Variants in IL17RD observed in about 807,000 individuals in gnomAD.
IL17RD encodes interleukin-17 receptor D.
A neutral mutation model predicts 80.5 loss-of-function variants in IL17RD; 52 were observed. That is an observed-to-expected ratio of 0.65 (90% CI 0.52 to 0.81). IL17RD has a LOEUF of 0.81. IL17RD is among the 40% of genes least tolerant of loss of function. The probability of loss-of-function intolerance (pLI) is 0.00; values close to 1 mark genes in which losing one functional copy is unlikely to be tolerated. For missense variants in IL17RD, 1,024 were observed against 955.1 expected (o/e 1.07, Z -0.95); for synonymous variants, 416 against 391.8 (o/e 1.06, Z -0.73).
At position 57,097,770 on chromosome 3, in the gene IL17RD, G is replaced by T. The variant is rs911249816; in HGVS notation, c.1933C>A (p.Pro645Thr). 5 of 1,603,180 alleles carry T rather than the reference G, an allele frequency of 3.1e-6. No individual in the cohort carries two copies. In the African/African-American group the frequency reaches 5.3e-5, roughly 17 times the overall value. Residue 645 changes from proline to threonine, a missense_variant, in exon 12 of 13, where the codon CCC becomes ACC. Coordinates refer to ENST00000296318, the MANE Select transcript of IL17RD (RefSeq NM_017563.5). ...CCGGCTTTCACCGTGTGCAGCAGGG[G>T]TTGCAGGGCGGCGCTACCGTCAAGG... Reference protein sequence around the residue: ...PALDGSAALQPLLHTVKAGSP... With the variant: ...PALDGSAALQTLLHTVKAGSP...
chr3:57,127,364 AAATATATAT>A lies in IL17RD; in HGVS notation c.127-7060_127-7052del, dbSNP rs1559477262. 6.6e-3 allele frequency among the ~76,000 whole-genome samples: 514 copies of A among 77,922 alleles called. 40 individuals carry two copies. Among genetic ancestry groups the A allele is most frequent in the African/African-American group, 0.027 (483 of 18,218 alleles). The allele number at this position is 77,922 out of a possible 152,430, so 51.1% of individuals were successfully genotyped here. Reference sequence around the variant, plus strand: ...AATATATATAAATATATATAAATATAAATATATATATATAAATAAATAAATAAATAAATA... The same window carrying A: ...AATATATATAAATATATATAAATATAATATAAATAAATAAATAAATAAATA... On this transcript the variant is annotated intron_variant, in intron 1 of 12. Transcript: ENST00000296318.
intron 11 of IL17RD, among the ~76,000 whole-genome samples, chr3:57,099,430 T>C (rs1706776891): frequency 6.6e-6 from 1 of 152,212 alleles, no homozygotes; most frequent in South Asian, 2.1e-4. Context: ...GAAACATCTC[T>C]TGGTTATTGT....
At chr3:57,100,711 A>G (rs1301360769) in intron 11 of IL17RD, among the ~76,000 whole-genome samples, 1 of 152,102 alleles carries the variant, frequency 6.6e-6, no homozygotes, top group Non-Finnish European at 1.5e-5. Context: ...GATCCCCTCT[A>G]ATGGCAGCCC....
rs780937622 is a variant in IL17RD at position 57,098,480 on chromosome 3, A to G, written c.1223T>C (p.Val408Ala). The change falls in exon 12 of 13, where the codon GTC (valine) becomes GCC (alanine). Residue 408 changes from valine (V) to alanine (A), a missense_variant. Physicochemically the swap from Val to Ala is moderately conservative, Grantham distance 64 (BLOSUM62 0). Transcript: ENST00000296318. ...SLCREGQREW[V>A]IQKIHESQFI... is the part of the protein sequence containing the mutation. ...CTGGGACTCGTGGATCTTCTGGATG[A>G]CCCATTCTCTCTGCCCTTCTCTACA... 1.9e-6 allele frequency: 3 copies of G among 1,613,558 alleles called. No individual in the cohort carries two copies. In the African/African-American group the frequency reaches 4.0e-5, roughly 22 times the overall value.
intron 1 of IL17RD, among the ~76,000 whole-genome samples, chr3:57,140,829 G>A (rs1707814444): frequency 6.6e-6 from 1 of 151,998 alleles, no homozygotes; most frequent in South Asian, 2.1e-4. Flanking sequence ...CTATTACACT[G>A]GTTCAATGCT....
At chr3:57,156,257 CTT>C in intron 1 of IL17RD, among the ~76,000 whole-genome samples, 1 of 152,082 alleles carries the variant, frequency 6.6e-6, no homozygotes, top group South Asian at 2.1e-4. Context: ...AGGTCTGATA[CTT>C]CATTATCCTA....
intron 1 of IL17RD, among the ~76,000 whole-genome samples, chr3:57,133,767 A>G (rs928810915): frequency 6.6e-6 from 1 of 152,196 alleles, no homozygotes; most frequent in Non-Finnish European, 1.5e-5. Context: ...AACAGCAGGT[A>G]GGAGCATATT....
Position 57,093,254 on chromosome 3 carries a change from A to G in IL17RD, c.*3139T>C, listed in dbSNP as rs764199054. 6.6e-5 allele frequency: 10 copies of G among 152,204 alleles called. No homozygotes were observed. The highest frequency in any genetic ancestry group is 1.5e-4 in the Non-Finnish European group (10 of 68,036). 9.4% of individuals were successfully genotyped at this position (152,204 alleles called of 1,614,324 possible). On this transcript the variant is annotated 3_prime_UTR_variant, in exon 13 of 13. Coordinates refer to ENST00000296318, the MANE Select transcript of IL17RD (RefSeq NM_017563.5). ...AATAAGAGCAGTAGTAGTCTTCACC[A>G]ATAGAAAATAAAAAAGACTAGTAAC...
At chr3:57,139,926 A>T (rs529154111) in intron 1 of IL17RD, among the ~76,000 whole-genome samples, 10 of 152,054 alleles carry the variant, frequency 6.6e-5, no homozygotes, top group African/African-American at 2.4e-4. Context: ...TTCAAACTCA[A>T]CTCCTGGTTT....
intron 3 of IL17RD, among the ~76,000 whole-genome samples, chr3:57,112,097 CG>C: frequency 6.6e-6 from 1 of 152,300 alleles, no homozygotes; most frequent in East Asian, 1.9e-4. Flanking sequence ...AGGCAGCAAA[CG>C]TAATTCCTTT....
At chr3:57,164,114 T>G (rs982290270) in intron 1 of IL17RD, among the ~76,000 whole-genome samples, 3 of 152,228 alleles carry the variant, frequency 2.0e-5, no homozygotes. Context: ...ATCCCATTTT[T>G]CATATGAAGA....
intron 1 of IL17RD, among the ~76,000 whole-genome samples, chr3:57,161,812 A>G (rs2060307232): frequency 6.6e-6 from 1 of 152,220 alleles, no homozygotes; most frequent in African/African-American, 2.4e-5. Context: ...ATTCCACTCT[A>G]GAAGCAAGAG....
Position 57,104,369 on chromosome 3 carries a change from A to G in IL17RD, c.786T>C (p.Asn262=). The G allele has an allele frequency of 6.2e-7, 1 of 1,609,968 alleles. No homozygotes were observed. ...CAATTATATAATCCCCTGGAGAAAC[A>G]TTTTGAAGGAGGCAGCTGGTCGTCT... ...TTETTSCLLQ[N]VSPGDYIIEL... Residue 262 remains asparagine (N), a synonymous_variant, in exon 8 of 13, where the codon AAT becomes AAC. Transcript: ENST00000296318.
In IL17RD at chr3:57,106,128, T is replaced by A; in HGVS notation, c.577A>T (p.Asn193Tyr). Residue 193 changes from asparagine to tyrosine, a missense_variant, in exon 6 of 13, where the codon AAT becomes TAT. Coordinates refer to ENST00000296318, the MANE Select transcript of IL17RD (RefSeq NM_017563.5). ...RACDLLLQPD[N>Y]LACKPFWKPR... ...TACTTACAGGGTTTACAAGCTAGAT[T>A]GTCCGGCTGTAACAACAGGTCACAG... The A allele has an allele frequency of 1.9e-6, 3 of 1,612,810 alleles. No individual in the cohort carries two copies. Among genetic ancestry groups the A allele is most frequent in the Non-Finnish European group, 2.5e-6 (3 of 1,179,016 alleles).
rs983197149 is a variant in IL17RD at position 57,097,348 on chromosome 3, T to C, written c.2107+248A>G. ...TAGAAAAGTGATACAGTGCATAGTC[T>C]GTATGTGGCACAACACCCCTTGCAG... On this transcript the variant is annotated intron_variant, in intron 12 of 12. Transcript: ENST00000296318. 17 of 544,264 alleles carry C rather than the reference T, an allele frequency of 3.1e-5. No homozygotes were observed. The Admixed American group carries it at 3.9e-4, about 12-fold the overall frequency. The allele number at this position is 544,264 out of a possible 1,614,324, so 33.7% of individuals were successfully genotyped here.
chr3:57,106,779 G>A (rs1051139608), intron 5 of IL17RD, among the ~76,000 whole-genome samples: 3 of 152,116 alleles, frequency 2.0e-5, no homozygotes, highest in Admixed American at 2.0e-4. Context: ...GTGCCATGCT[G>A]CTTGCTAACC....
At chr3:57,127,208 A>T (rs1449728085) in intron 1 of IL17RD, among the ~76,000 whole-genome samples, 1 of 110,866 alleles carries the variant, frequency 9.0e-6, no homozygotes, top group African/African-American at 5.2e-5. Flanking sequence ...AAATATATAT[A>T]AAAATATATA....
At chr3:57,108,048 C>T (rs1707003071) in intron 5 of IL17RD, among the ~76,000 whole-genome samples, 1 of 151,812 alleles carries the variant, frequency 6.6e-6, no homozygotes, top group Non-Finnish European at 1.5e-5. Flanking sequence ...TCAACTTACA[C>T]TTTTTATTCC....
Position 57,098,299 on chromosome 3 carries a change from C to T in IL17RD, c.1404G>A (p.Ser468=), listed in dbSNP as rs375318784. Residue 468 remains serine (S), a synonymous_variant, in exon 12 of 13, where the codon TCG becomes TCA. Transcript: ENST00000296318. The part of the protein sequence containing the change: ...AEKLRQAKQS[S]SAALSKFIAV... Reference sequence around the variant, plus strand: ...CGATAAACTTGCTGAGCGCCGCGGACGAACTCTGCTTGGCCTGGCGGAGCT... The same window carrying T: ...CGATAAACTTGCTGAGCGCCGCGGATGAACTCTGCTTGGCCTGGCGGAGCT... 7 of 1,613,902 alleles carry T rather than the reference C, an allele frequency of 4.3e-6. No homozygotes were observed. The highest frequency in any genetic ancestry group is 3.3e-5 in the South Asian group (3 of 91,084).
Sources: allele counts gnomAD v4.1 joint callset (sites outside exome capture counted in the v4.1 genomes callset), GRCh38; gene constraint gnomAD v4.1.1; transcripts MANE v1.5; gene names NCBI Gene and HGNC (gene_info 2026-07-23, HGNC 2026-07-21).